Variants in PAFAH1B1 observed in about 807,000 individuals in gnomAD.
PAFAH1B1 encodes platelet-activating factor acetylhydrolase IB subunit beta.
PAFAH1B1 carries 2 observed loss-of-function variants against 57.5 expected under a neutral mutation model. That is an observed-to-expected ratio of 0.03 (90% CI 0.01 to 0.11). The LOEUF is 0.11. PAFAH1B1 is among the 10% of genes least tolerant of loss of function. The pLI is 1.00. For missense variants in PAFAH1B1, 257 were observed against 512.0 expected (o/e 0.50, Z 4.81); for synonymous variants, 152 against 169.6 (o/e 0.90, Z 0.81).
intron 1 of PAFAH1B1, among the ~76,000 whole-genome samples, chr17:2,629,121 T>G (rs1174803749): frequency 1.3e-5 from 2 of 152,162 alleles, no homozygotes; most frequent in South Asian, 2.1e-4. Context: ...TCTTGGTTAT[T>G]TATTTTCTTC....
At chr17:2,633,777 C>T (rs1195463883) in intron 1 of PAFAH1B1, among the ~76,000 whole-genome samples, 1 of 151,980 alleles carries the variant, frequency 6.6e-6, no homozygotes, top group Non-Finnish European at 1.5e-5. Flanking sequence ...TGATTGCTTC[C>T]TTGAAATACT....
At position 2,667,039 on chromosome 17, in the gene PAFAH1B1, G is replaced by A. The variant is rs150901708; in HGVS notation, c.240G>A (p.Thr80=). ...TAAATGAAGCAAAAGAAGAATTTAC[G>A]TCAGGTGGACCTCTTGGTCAGAAAC... The part of the protein sequence containing the change: ...SKLNEAKEEF[T]SGGPLGQKRD... Residue 80 remains threonine, a synonymous_variant, in exon 5 of 11, where the codon ACG becomes ACA. Coordinates refer to ENST00000397195, the MANE Select transcript of PAFAH1B1 (RefSeq NM_000430.4). 1.1e-5 allele frequency: 18 copies of A among 1,613,836 alleles called. No individual in the cohort carries two copies. Among genetic ancestry groups the A allele is most frequent in the Admixed American group, 6.7e-5 (4 of 59,980 alleles).
At chr17:2,672,392 A>T (rs1322228865) in intron 6 of PAFAH1B1, among the ~76,000 whole-genome samples, 2 of 150,730 alleles carry the variant, frequency 1.3e-5, no homozygotes, top group Middle Eastern at 6.9e-3. Context: ...GATAATCGTG[A>T]TGCCTTTTGT....
rs1055898013 is a variant in PAFAH1B1 at position 2,621,630 on chromosome 17, T to G, written c.-190-16469T>G. On this transcript the variant is annotated intron_variant, in intron 1 of 10. Transcript: ENST00000397195. Reference sequence around the variant, plus strand: ...GTCTTTTTTTTTTTTTTTTTTTTTTTTTTTTTTTTTTTTGAGACAGGGTCA... The same window carrying G: ...GTCTTTTTTTTTTTTTTTTTTTTTTGTTTTTTTTTTTTTGAGACAGGGTCA... Among the ~76,000 whole-genome samples the G allele has an allele frequency of 1.6e-3, 133 of 84,034 alleles. 1 individual carries two copies. The South Asian group carries it at 0.037, about 23-fold the overall frequency. 55.1% of individuals were successfully genotyped at this position (84,034 alleles called of 152,430 possible). A position where few individuals can be genotyped will look rare whatever the true frequency, so the allele number is the denominator to read the frequency against.
At chr17:2,673,638 CAA>C (rs766887134) in intron 7 of PAFAH1B1, 18 of 151,190 alleles carry the variant, frequency 1.2e-4, no homozygotes, top group East Asian at 3.5e-4. Flanking sequence ...GACTCCGTCT[CAA>C]AAAAAAAAAA....
chr17:2,632,189 G>A (rs750288407), intron 1 of PAFAH1B1, among the ~76,000 whole-genome samples: 3 of 152,108 alleles, frequency 2.0e-5, no homozygotes, highest in African/African-American at 2.4e-5. Flanking sequence ...TTGGCCTCCC[G>A]AAGTCTTGGG....
intron 2 of PAFAH1B1, chr17:2,640,738 G>A (rs1455994803): frequency 6.6e-6 from 1 of 151,886 alleles, no homozygotes; most frequent in African/African-American, 2.4e-5. Flanking sequence ...CTTTTCTAGT[G>A]TTTCCTCATG....
intron 5 of PAFAH1B1, 28 bp downstream of exon 5, chr17:2,667,226 C>T (rs1024538810): frequency 9.7e-6 from 15 of 1,552,226 alleles, no homozygotes; most frequent in Non-Finnish European, 1.2e-5. Flanking sequence ...GCAGACTTAA[C>T]GGGAGGCTGA....
chr17:2,664,559 C>A (rs2069070862), intron 2 of PAFAH1B1, among the ~76,000 whole-genome samples: 2 of 152,048 alleles, frequency 1.3e-5, no homozygotes. Context: ...GGGCTTGCCA[C>A]CACGCCAGCT....
intron 1 of PAFAH1B1, among the ~76,000 whole-genome samples, chr17:2,630,086 A>G (rs541405447): frequency 2.6e-5 from 4 of 152,158 alleles, no homozygotes; most frequent in Admixed American, 1.3e-4. Flanking sequence ...TTTCCATTCA[A>G]TGTTAGTATT....
At chr17:2,652,616 C>G (rs989919995) in intron 2 of PAFAH1B1, among the ~76,000 whole-genome samples, 1 of 152,184 alleles carries the variant, frequency 6.6e-6, no homozygotes, top group East Asian at 1.9e-4. Context: ...TTTTCCCTGG[C>G]CTGTGTGAAA....
intron 2 of PAFAH1B1, chr17:2,659,439 A>G: frequency 3.5e-6 from 1 of 285,962 alleles, no homozygotes. Flanking sequence ...CGGGAGGCTG[A>G]GCCAGGAGAA....
At chr17:2,621,148 G>T (rs2068416543) in intron 1 of PAFAH1B1, among the ~76,000 whole-genome samples, 1 of 151,852 alleles carries the variant, frequency 6.6e-6, no homozygotes, top group Admixed American at 6.6e-5. Context: ...TTTAAGTTGA[G>T]GTGTATATGT....
At chr17:2,631,686 G>A (rs182065059) in intron 1 of PAFAH1B1, among the ~76,000 whole-genome samples, 1 of 152,182 alleles carries the variant, frequency 6.6e-6, no homozygotes, top group Non-Finnish European at 1.5e-5. Context: ...GACACTCACA[G>A]TATTTGGGGT....
At chr17:2,630,996 C>CT (rs1325153129) in intron 1 of PAFAH1B1, among the ~76,000 whole-genome samples, 1 of 152,188 alleles carries the variant, frequency 6.6e-6, no homozygotes, top group Non-Finnish European at 1.5e-5. Flanking sequence ...AATCCCAGCA[C>CT]TTTGGGAGGC....
chr17:2,654,440 G>A (rs1597557430), intron 2 of PAFAH1B1, among the ~76,000 whole-genome samples: 1 of 151,842 alleles, frequency 6.6e-6, no homozygotes, highest in South Asian at 2.1e-4. Context: ...CTCTCAAAGT[G>A]TTGGGATTAC....
chr17:2,657,331 AC>A (rs1425652502), intron 2 of PAFAH1B1, among the ~76,000 whole-genome samples: 2 of 151,984 alleles, frequency 1.3e-5, no homozygotes, highest in African/African-American at 4.8e-5. Flanking sequence ...GCAATACTCC[AC>A]CTCCCAGGTT....
intron 2 of PAFAH1B1, among the ~76,000 whole-genome samples, chr17:2,664,646 A>G (rs1482908594): frequency 5.0e-5 from 7 of 139,416 alleles, no homozygotes; most frequent in South Asian, 2.4e-4. Context: ...TTTGTGATAT[A>G]TATCTATATC....
chr17:2,676,348 A>G (rs1408376130), intron 8 of PAFAH1B1, 157 bp from the exon 9 acceptor site: 1 of 615,186 alleles, frequency 1.6e-6, no homozygotes, highest in East Asian at 2.9e-5. Context: ...ACGGTACTCC[A>G]GCCTGGGTGA....
Sources: allele counts gnomAD v4.1 joint callset (sites outside exome capture counted in the v4.1 genomes callset), GRCh38; gene constraint gnomAD v4.1.1; transcripts MANE v1.5; gene names NCBI Gene and HGNC (gene_info 2026-07-23, HGNC 2026-07-21).